PLSCR2: variants seen among roughly 807,000 people sequenced by gnomAD.
PLSCR2 encodes phospholipid scramblase 2, also known as PL scramblase 2.
In PLSCR2, 18 loss-of-function variants were observed where a neutral mutation model predicts 25.3. The ratio of observed to expected loss-of-function variants is 0.71; its 90% CI spans 0.49 to 1.06. PLSCR2 has a LOEUF of 1.06. Among genes scored for constraint, PLSCR2 ranks in the 50% least tolerant of loss-of-function variants. PLSCR2 has a pLI of 0.00. For missense variants in PLSCR2, 243 were observed against 269.5 expected (o/e 0.90, Z 0.69); for synonymous variants, 88 against 87.3 (o/e 1.01, Z -0.04).
intron 2 of PLSCR2, among the ~76,000 whole-genome samples, chr3:146,410,134 T>C (rs1008852738): frequency 6.6e-6 from 1 of 151,964 alleles, no homozygotes; most frequent in Non-Finnish European, 1.5e-5. Flanking sequence ...AGCCAAGTCT[T>C]GGAGACGCTG....
At chr3:146,470,554 C>T (rs1216113031) in intron 1 of PLSCR2, among the ~76,000 whole-genome samples, 1 of 152,064 alleles carries the variant, frequency 6.6e-6, no homozygotes, top group Admixed American at 6.5e-5. Flanking sequence ...CTCAAACAAA[C>T]AAACAAAAAC....
At chr3:146,460,189 C>G in exon 1 of PLSCR2, 1 of 1,395,668 alleles carries the variant, frequency 7.2e-7, no homozygotes, top group Non-Finnish European at 9.3e-7. Context: ...CTCAGAAGTC[C>G]TATATCTGTG....
At chr3:146,473,327 C>T (rs186842901) in intron 1 of PLSCR2, among the ~76,000 whole-genome samples, 7 of 105,344 alleles carry the variant, frequency 6.6e-5, no homozygotes, top group East Asian at 5.8e-4. Flanking sequence ...TTTTTTAAGA[C>T]AGAGTCTTGC....
intron 6 of PLSCR2, among the ~76,000 whole-genome samples, chr3:146,444,646 G>C (rs2108269559): frequency 6.6e-6 from 1 of 151,856 alleles, no homozygotes; most frequent in East Asian, 1.9e-4. Context: ...CGTGTCTTTA[G>C]AGGTGAAGTG....
At chr3:146,477,884 A>G (rs1417828691) in intron 1 of PLSCR2, among the ~76,000 whole-genome samples, 3 of 152,214 alleles carry the variant, frequency 2.0e-5, no homozygotes, top group African/African-American at 4.8e-5. Context: ...TGAAGCTTCC[A>G]GAGGAAGGAT....
At chr3:146,493,463 G>A (rs142739908) in intron 1 of PLSCR2, among the ~76,000 whole-genome samples, 12 of 152,204 alleles carry the variant, frequency 7.9e-5, no homozygotes, top group African/African-American at 1.9e-4. Context: ...CCTGTAATGC[G>A]AGATTGGTTC....
At chr3:146,464,741 A>G (rs2041784230), upstream of PLSCR2, among the ~76,000 whole-genome samples, 1 of 152,216 alleles carries the variant, frequency 6.6e-6, no homozygotes, top group Non-Finnish European at 1.5e-5. Context: ...CATATACTAT[A>G]TACACATTAG....
At chr3:146,434,665 A>C (rs1207984543) in intron 8 of PLSCR2, among the ~76,000 whole-genome samples, 1 of 152,044 alleles carries the variant, frequency 6.6e-6, no homozygotes, top group African/African-American at 2.4e-5. Flanking sequence ...AAATGATTTT[A>C]TTTATTTTTA....
chr3:146,494,350 T>A (rs528568009), intron 1 of PLSCR2, among the ~76,000 whole-genome samples: 3 of 152,322 alleles, frequency 2.0e-5, no homozygotes, highest in East Asian at 1.9e-4. Flanking sequence ...GTACTTAATT[T>A]AAAAATCCCA....
intron 1 of PLSCR2, chr3:146,469,557 C>G (rs1311238091): frequency 1.0e-6 from 1 of 985,428 alleles, no homozygotes; most frequent in Non-Finnish European, 1.2e-6. Context: ...GGCTTCCTCC[C>G]GTCTGCCCCG....
intron 1 of PLSCR2, among the ~76,000 whole-genome samples, chr3:146,476,968 T>A (rs1258717447): frequency 6.6e-6 from 1 of 152,192 alleles, no homozygotes; most frequent in Non-Finnish European, 1.5e-5. Context: ...TGAGTGGGAT[T>A]CCCCTAAGAA....
downstream of PLSCR2, among the ~76,000 whole-genome samples, chr3:146,436,965 T>C (rs1289966971): frequency 6.6e-6 from 1 of 152,192 alleles, no homozygotes; most frequent in Non-Finnish European, 1.5e-5. Flanking sequence ...ATCTAGTTTA[T>C]TGAGACTTTT....
chr3:146,412,615 T>C (rs984008588), intron 2 of PLSCR2, among the ~76,000 whole-genome samples: 1 of 152,082 alleles, frequency 6.6e-6, no homozygotes, highest in African/African-American at 2.4e-5. Flanking sequence ...CACTTGAACA[T>C]AAATTTAATT....
In PLSCR2 at chr3:146,401,990, GATA is replaced by G. The variant is rs1485881988; in HGVS notation, c.101-6072_101-6070del. Among the ~76,000 whole-genome samples, 17 of 151,842 alleles carry G rather than the reference GATA, an allele frequency of 1.1e-4. No homozygotes were observed. The East Asian group carries it at 1.2e-3, about 10-fold the overall frequency. On this transcript the variant is annotated intron_variant and NMD_transcript_variant, in intron 2 of 3. Coordinates refer to the PLSCR2 transcript ENST00000463633. ...ATACTCTCATATATTATTTATATAA[GATA>G]ATAATCAAATTTACCCCTTTTGCAA...
At chr3:146,392,313 G>A (rs2107962407) in intron 3 of PLSCR2, among the ~76,000 whole-genome samples, 1 of 152,110 alleles carries the variant, frequency 6.6e-6, no homozygotes, top group East Asian at 1.9e-4. Context: ...TAGCTCATGA[G>A]CACTTGATTC....
chr3:146,490,917 T>G (rs920448719), intron 1 of PLSCR2, among the ~76,000 whole-genome samples: 12 of 152,114 alleles, frequency 7.9e-5, no homozygotes, highest in Admixed American at 2.6e-4. Flanking sequence ...TATATAGACC[T>G]GATTGTATAG....
chr3:146,439,448 A>AT (rs2040099288), downstream of PLSCR2, among the ~76,000 whole-genome samples: 1 of 152,144 alleles, frequency 6.6e-6, no homozygotes, highest in Non-Finnish European at 1.5e-5. Context: ...ACATAGCCCC[A>AT]TATTTCTTGG....
At chr3:146,459,510 A>C (rs2041428172) in intron 2 of PLSCR2, among the ~76,000 whole-genome samples, 1 of 152,178 alleles carries the variant, frequency 6.6e-6, no homozygotes, top group Admixed American at 6.5e-5. Context: ...CTTATACATC[A>C]TAGGGATTCT....
At chr3:146,467,685 A>C (rs1174042908) in intron 1 of PLSCR2, among the ~76,000 whole-genome samples, 2 of 142,300 alleles carry the variant, frequency 1.4e-5, no homozygotes, top group African/African-American at 5.0e-5. Flanking sequence ...AGCACTATGA[A>C]TACAAATAAT....
Sources: allele counts gnomAD v4.1 joint callset (sites outside exome capture counted in the v4.1 genomes callset), GRCh38; gene constraint gnomAD v4.1.1; transcripts MANE v1.5; gene names NCBI Gene and HGNC (gene_info 2026-07-23, HGNC 2026-07-21).